ZBTB40: variants seen among roughly 807,000 people sequenced by gnomAD.
The protein encoded by ZBTB40 is zinc finger and BTB domain-containing protein 40.
ZBTB40 carries 60 observed loss-of-function variants against 117.5 expected under a neutral mutation model. The observed-to-expected ratio is 0.51, with a 90% CI of 0.41 to 0.63. The LOEUF (loss-of-function observed/expected upper bound fraction) is 0.63, where lower values mean the gene tolerates loss of function less well. Among genes scored for constraint, ZBTB40 ranks in the 30% least tolerant of loss-of-function variants. ZBTB40 has a pLI of 0.00. For synonymous variants in ZBTB40, 525 were observed against 577.1 expected (o/e 0.91, Z 1.29); for missense variants, 1,287 against 1,498.5 (o/e 0.86, Z 2.33).
upstream of ZBTB40, among the ~76,000 whole-genome samples, chr1:22,450,273 A>C (rs985815884): frequency 6.6e-6 from 1 of 152,170 alleles, no homozygotes; most frequent in African/African-American, 2.4e-5. Context: ...TTTCTAGAGC[A>C]CCTACTATGT....
At position 22,486,869 on chromosome 1, in the gene ZBTB40, G is replaced by T. The variant is rs188304850; in HGVS notation, c.-69-3011G>T. The stretch of plus-strand genomic sequence containing the variant: ...TCCTGCCTCAGCCTCTGAATAGCTG[G>T]GGTTCCAGGTGCCCGCCACCATGCC... On this transcript the variant is annotated intron_variant, in intron 1 of 17. Transcript: ENST00000375647. Among the ~76,000 whole-genome samples, 810 of 152,190 alleles carry T rather than the reference G, an allele frequency of 5.3e-3. 2 individuals are homozygous for T. Among genetic ancestry groups the T allele is most frequent in the Non-Finnish European group, 7.5e-3 (508 of 68,010 alleles).
At position 22,511,813 on chromosome 1, in the gene ZBTB40, A is replaced by T. The variant is rs746469337; in HGVS notation, c.2140A>T (p.Thr714Ser). Residue 714 changes from threonine to serine, a missense_variant, in exon 11 of 18, where the codon ACT becomes TCT. Thr to Ser is a moderately conservative substitution (Grantham distance 58). Transcript: ENST00000375647. The stretch of plus-strand genomic sequence containing the variant: ...TGGGGAACAGAATGATCAAGGAGAG[A>T]CTGGTTCCTTGCCAGGACAGCAAGA... ...QPGEQNDQGE[T>S]GSLPGQQEKE... 6.2e-7 allele frequency: 1 copy of T among 1,614,122 alleles called. No homozygotes were observed. Among genetic ancestry groups the T allele is most frequent in the Non-Finnish European group, 8.5e-7 (1 of 1,180,018 alleles).
chr1:22,504,169 G>A (rs924373285), intron 5 of ZBTB40, among the ~76,000 whole-genome samples: 7 of 152,206 alleles, frequency 4.6e-5, no homozygotes, highest in African/African-American at 1.7e-4. Context: ...AATGTTGATT[G>A]AATAGCCACA....
intron 1 of ZBTB40, among the ~76,000 whole-genome samples, chr1:22,455,362 T>C (rs1640980191): frequency 6.6e-6 from 1 of 152,190 alleles, no homozygotes; most frequent in African/African-American, 2.4e-5. Context: ...ATGTTCGGGT[T>C]CATAAATGTA....
chr1:22,518,267 C>A (rs1377892202), intron 13 of ZBTB40, among the ~76,000 whole-genome samples: 1 of 152,158 alleles, frequency 6.6e-6, no homozygotes, highest in Non-Finnish European at 1.5e-5. Flanking sequence ...CTGACGCTTA[C>A]TTTTCTTGAG....
At chr1:22,498,147 T>C (rs1638828030) in intron 3 of ZBTB40, among the ~76,000 whole-genome samples, 1 of 152,236 alleles carries the variant, frequency 6.6e-6, no homozygotes, top group Non-Finnish European at 1.5e-5. Context: ...ATAGGTAAAG[T>C]ATTTAGATTA....
intron 13 of ZBTB40, among the ~76,000 whole-genome samples, chr1:22,518,523 A>G (rs1569883340): frequency 1.3e-5 from 2 of 152,258 alleles, no homozygotes; most frequent in East Asian, 3.9e-4. Flanking sequence ...CATGCCCTGC[A>G]TCTCACATGC....
chr1:22,437,279 T>C (rs1640681375), intron 1 of ZBTB40, among the ~76,000 whole-genome samples: 1 of 152,114 alleles, frequency 6.6e-6, no homozygotes, highest in Admixed American at 6.6e-5. Context: ...GAAACCTGAA[T>C]TGTGATTGAT....
At chr1:22,524,533 T>C (rs1639625646) in intron 17 of ZBTB40, 89 bp downstream of exon 17, 3 of 1,357,698 alleles carry the variant, frequency 2.2e-6, no homozygotes, top group Non-Finnish European at 3.1e-6. Context: ...TACCCAGAGA[T>C]ACTCTTTGGG....
At chr1:22,478,090 G>A (rs1006815308) in intron 1 of ZBTB40, among the ~76,000 whole-genome samples, 8 of 152,062 alleles carry the variant, frequency 5.3e-5, no homozygotes, top group African/African-American at 1.9e-4. Flanking sequence ...CTCACTTTTT[G>A]TGTTGTTGTT....
intron 1 of ZBTB40, among the ~76,000 whole-genome samples, chr1:22,433,057 G>A (rs1640618273): frequency 6.6e-6 from 1 of 152,008 alleles, no homozygotes; most frequent in Non-Finnish European, 1.5e-5. Context: ...CTGTATCCTT[G>A]GGTTCCACAT....
intron 1 of ZBTB40, among the ~76,000 whole-genome samples, chr1:22,456,117 G>C (rs937637374): frequency 6.6e-6 from 1 of 152,068 alleles, no homozygotes; most frequent in Non-Finnish European, 1.5e-5. Context: ...CCATCATCTG[G>C]ATAATGTGGA....
intron 1 of ZBTB40, among the ~76,000 whole-genome samples, chr1:22,472,943 G>C (rs956172163): frequency 6.6e-6 from 1 of 152,210 alleles, no homozygotes; most frequent in African/African-American, 2.4e-5. Context: ...CTAAGGCCTG[G>C]TTGTTAGGAT....
At chr1:22,439,088 G>A (rs368302484) in intron 1 of ZBTB40, among the ~76,000 whole-genome samples, 1 of 152,068 alleles carries the variant, frequency 6.6e-6, no homozygotes, top group Non-Finnish European at 1.5e-5. Flanking sequence ...GGCTGGTCTC[G>A]AACTCCTGAC....
At position 22,513,755 on chromosome 1, in the gene ZBTB40, A is replaced by G. The variant is rs1639304245; in HGVS notation, c.2668+625A>G. ...AAAAACAATGCACAACCTCTAGGCA[A>G]ACAGACGACTGGGAATAGCTCTGTG... On this transcript the variant is annotated intron_variant, in intron 12 of 17. Transcript: ENST00000375647. This position sits in a 1 kb window ranked among gnomAD's most constrained non-coding sequence, Gnocchi z 4.9. 6.6e-6 allele frequency among the ~76,000 whole-genome samples: 1 copy of G among 152,220 alleles called. No homozygotes were observed. Among genetic ancestry groups the G allele is most frequent in the Non-Finnish European group, 1.5e-5 (1 of 68,040 alleles).
intron 1 of ZBTB40, among the ~76,000 whole-genome samples, chr1:22,484,830 T>G (rs558590181): frequency 6.6e-6 from 1 of 152,338 alleles, no homozygotes; most frequent in African/African-American, 2.4e-5. Context: ...ATTTCTAGTT[T>G]GTTGGAGTTT....
intron 15 of ZBTB40, 142 bp downstream of exon 15, chr1:22,521,800 G>T: frequency 8.0e-7 from 1 of 1,242,892 alleles, no homozygotes; most frequent in Non-Finnish European, 1.2e-6. Flanking sequence ...GCACCTGTCC[G>T]TAGCAGCAGC....
rs1639300970 is a variant in ZBTB40 at position 22,513,626 on chromosome 1, G to A, written c.2668+496G>A. ...TGAGGCAGGAGAATGGTGTGAACCT[G>A]GGAGGTGGAACTTGCAGTGAGCTGA... On this transcript the variant is annotated intron_variant, in intron 12 of 17. Coordinates refer to ENST00000375647, the MANE Select transcript of ZBTB40 (RefSeq NM_014870.4). The surrounding 1 kb of genome is among the most constrained non-coding windows in gnomAD (Gnocchi z 4.9). Among the ~76,000 whole-genome samples, 1 of 152,132 alleles carries A rather than the reference G, an allele frequency of 6.6e-6. No individual in the cohort carries two copies. The highest frequency in any genetic ancestry group is 1.5e-5 in the Non-Finnish European group (1 of 68,014).
At position 22,506,129 on chromosome 1, in the gene ZBTB40, G is replaced by A. The variant is rs371758282; in HGVS notation, c.1248G>A (p.Thr416=). 35 of 1,614,118 alleles carry A rather than the reference G, an allele frequency of 2.2e-5. No homozygotes were observed. The East Asian group carries it at 2.9e-4, about 13-fold the overall frequency. ...TGCACAGAATGACTGAAGAGAAGAC[G>A]CTGACTGCTGAGGGTTTGGTAAAAC... The part of the protein sequence containing the change: ...NLLHRMTEEK[T]LTAEGLVKLL... The change falls in exon 6 of 18, where the codon ACG becomes ACA. Residue 416 remains threonine (T), a synonymous_variant. Transcript: ENST00000375647.
Sources: gnomAD v4.1 joint callset for allele counts (sites outside exome capture counted in the v4.1 genomes callset) on GRCh38, gnomAD v4.1.1 for gene constraint, Gnocchi (gnomAD v3.1) non-coding constraint, MANE v1.5 for transcripts, NCBI Gene and HGNC (gene_info 2026-07-23, HGNC 2026-07-21) for gene names.